Variants in RUNX1 observed in about 807,000 individuals in gnomAD.
The protein encoded by RUNX1 is runt-related transcription factor 1.
In RUNX1, 19 loss-of-function variants were observed where a neutral mutation model predicts 42.8. The observed-to-expected ratio is 0.44, with a 90% CI of 0.31 to 0.65. RUNX1 has a LOEUF of 0.65. RUNX1 is among the 30% of genes least tolerant of loss of function. The probability of loss-of-function intolerance (pLI) is 0.07; values close to 1 mark genes in which losing one functional copy is unlikely to be tolerated. For missense variants in RUNX1, 528 were observed against 672.0 expected (o/e 0.79, Z 2.37); for synonymous variants, 271 against 289.4 (o/e 0.94, Z 0.64).
chr21:34,881,962 C>T (rs184886513), intron 4 of RUNX1, among the ~76,000 whole-genome samples: 7 of 152,172 alleles, frequency 4.6e-5, no homozygotes, highest in Admixed American at 1.3e-4. Context: ...ACATTCTTTA[C>T]GGTAAAGTCA....
intron 2 of RUNX1, among the ~76,000 whole-genome samples, chr21:35,035,581 T>C (rs546821078): frequency 9.2e-5 from 14 of 152,338 alleles, no homozygotes; most frequent in Middle Eastern, 3.4e-3. Flanking sequence ...AAAGAGACAA[T>C]GGAGGCAGTG....
intron 2 of RUNX1, among the ~76,000 whole-genome samples, chr21:34,950,500 A>T (rs1034134871): frequency 2.0e-5 from 3 of 152,176 alleles, no homozygotes; most frequent in African/African-American, 7.2e-5. Context: ...GCACTTTGGG[A>T]GGCCGAGGCA....
rs971059065 is a variant in RUNX1 at position 34,901,010 on chromosome 21, G to A, written c.59-8047C>T. On this transcript the variant is annotated intron_variant, in intron 2 of 8. Coordinates refer to ENST00000675419, the MANE Select transcript of RUNX1 (RefSeq NM_001754.5). The surrounding 1 kb of genome is among the most constrained non-coding windows in gnomAD (Gnocchi z 4.3). ...GTTTCAGTTTGCTGGCAATCTACCA[G>A]TTAAAACACAGTAATAGATCAATTC... Among the ~76,000 whole-genome samples, 5 of 152,176 alleles carry A rather than the reference G, an allele frequency of 3.3e-5. No individual in the cohort carries two copies. The highest frequency in any genetic ancestry group is 1.2e-4 in the African/African-American group (5 of 41,442).
chr21:34,827,476 A>AT (rs1302619177), intron 7 of RUNX1, among the ~76,000 whole-genome samples: 1 of 152,198 alleles, frequency 6.6e-6, no homozygotes, highest in African/African-American at 2.4e-5. Context: ...TGCCAAAGAG[A>AT]TTAGTATGAA....
intron 2 of RUNX1, among the ~76,000 whole-genome samples, chr21:34,966,475 G>C (rs1403978891): frequency 1.3e-5 from 2 of 152,142 alleles, no homozygotes; most frequent in Non-Finnish European, 2.9e-5. Flanking sequence ...CCAATGAAGG[G>C]AGAAGAAGAT....
At chr21:34,887,900 A>G (rs2058022184) in intron 3 of RUNX1, 1 of 1,065,240 alleles carries the variant, frequency 9.4e-7, no homozygotes, top group East Asian at 5.0e-5. Context: ...CAAAACGCTC[A>G]GTGCAGAAAA....
At chr21:34,888,445 A>C (rs1370610430) in intron 3 of RUNX1, 13 of 1,067,026 alleles carry the variant, frequency 1.2e-5, no homozygotes, top group Non-Finnish European at 1.5e-5. Flanking sequence ...GCAGCCAGGA[A>C]AGAAGTTGAA....
At chr21:34,847,914 A>C (rs2057339476) in intron 6 of RUNX1, among the ~76,000 whole-genome samples, 1 of 152,060 alleles carries the variant, frequency 6.6e-6, no homozygotes, top group South Asian at 2.1e-4. Context: ...CAAATCTGCC[A>C]AGCTTTTTTT....
At chr21:35,039,859 C>G (rs1883066) in intron 2 of RUNX1, among the ~76,000 whole-genome samples, 19,561 of 152,142 alleles carry the variant, frequency 0.13, 1,354 homozygotes, top group Middle Eastern at 0.19. Flanking sequence ...AAGTAAAAGC[C>G]ATTCTCATCT....
chr21:34,950,297 T>C (rs2058597049), intron 2 of RUNX1, among the ~76,000 whole-genome samples: 1 of 152,226 alleles, frequency 6.6e-6, no homozygotes, highest in Non-Finnish European at 1.5e-5. Context: ...TTTCAAATTA[T>C]ATTATAAATA....
At chr21:34,937,700 A>G (rs1337376671) in intron 2 of RUNX1, among the ~76,000 whole-genome samples, 3 of 132,118 alleles carry the variant, frequency 2.3e-5, no homozygotes, top group South Asian at 2.4e-4. Context: ...GTTTCCCATG[A>G]AAAAAAAAAA....
Position 34,877,930 on chromosome 21 carries a change from T to C in RUNX1, c.508+2627A>G, listed in dbSNP as rs144816183. Among the ~76,000 whole-genome samples the C allele has an allele frequency of 4.5e-4, 68 of 152,272 alleles. No individual in the cohort carries two copies. The South Asian group carries it at 7.1e-3, about 16-fold the overall frequency. ...TGGTGGCTTTTGACAGAATTCAAAA[T>C]TGGCACTGAAAGTTTGGATGAGCCA... is the stretch of plus-strand genomic sequence containing the variant. On this transcript the variant is annotated intron_variant, in intron 5 of 8. Transcript: ENST00000675419.
At chr21:34,823,054 A>C (rs1334442800) in intron 7 of RUNX1, among the ~76,000 whole-genome samples, 1 of 152,366 alleles carries the variant, frequency 6.6e-6, no homozygotes, top group East Asian at 1.9e-4. Context: ...AGAATGACTC[A>C]GGTTGAACAC....
chr21:34,972,549 CAT>C (rs2058770712), intron 2 of RUNX1, among the ~76,000 whole-genome samples: 1 of 152,188 alleles, frequency 6.6e-6, no homozygotes, highest in African/African-American at 2.4e-5. Context: ...TCAAATGAAT[CAT>C]ATGTTACCAT....
intron 2 of RUNX1, among the ~76,000 whole-genome samples, chr21:34,988,485 C>A (rs2058909296): frequency 1.3e-5 from 2 of 152,192 alleles, no homozygotes; most frequent in Non-Finnish European, 2.9e-5. Context: ...TGTGCTGCAG[C>A]ATCATCTAGT....
intron 2 of RUNX1, among the ~76,000 whole-genome samples, chr21:34,927,637 T>C (rs1391492156): frequency 2.6e-5 from 4 of 152,184 alleles, no homozygotes; most frequent in Non-Finnish European, 5.9e-5. Context: ...GCCATTTACT[T>C]TGGACATGGA....
At chr21:34,918,419 AT>A (rs2058328616) in intron 2 of RUNX1, among the ~76,000 whole-genome samples, 1 of 152,182 alleles carries the variant, frequency 6.6e-6, no homozygotes, top group African/African-American at 2.4e-5. Context: ...TGAAATAGTC[AT>A]CCCCCCTTGC....
intron 2 of RUNX1, among the ~76,000 whole-genome samples, chr21:35,029,179 G>A (rs1057094656): frequency 2.6e-5 from 4 of 152,026 alleles, no homozygotes; most frequent in African/African-American, 9.7e-5. Flanking sequence ...CTGATGGGTT[G>A]TCAACTCAAA....
Position 34,799,409 on chromosome 21 carries a change from A to G in RUNX1, c.859T>C (p.Tyr287His). 1 of 1,614,136 alleles carries G rather than the reference A, an allele frequency of 6.2e-7. No homozygotes were observed. The highest frequency in any genetic ancestry group is 8.5e-7 in the Non-Finnish European group (1 of 1,179,966). The stretch of plus-strand genomic sequence containing the variant: ...GAAGGAGAGGCAATGGATCCCAGGT[A>G]TTGGTAGGACTGATCGTAGGACCAC... ...PPWSYDQSYQ[Y>H]LGSIASPSVH... Residue 287 changes from tyrosine (Y) to histidine (H), a missense_variant, in exon 8 of 9, where the codon TAC becomes CAC. Tyr to His is a moderately conservative substitution (Grantham distance 83). Coordinates refer to ENST00000675419, the MANE Select transcript of RUNX1 (RefSeq NM_001754.5).
Sources: gnomAD v4.1 joint callset for allele counts (sites outside exome capture counted in the v4.1 genomes callset) on GRCh38, gnomAD v4.1.1 for gene constraint, Gnocchi (gnomAD v3.1) non-coding constraint, MANE v1.5 for transcripts, NCBI Gene and HGNC (gene_info 2026-07-23, HGNC 2026-07-21) for gene names.